The following RB1CC1 variants were observed in gnomAD, a reference collection of about 807,000 sequenced individuals.
RB1CC1 encodes the protein RB1 inducible coiled-coil 1.
RB1CC1 carries 46 observed loss-of-function variants against 177.5 expected under a neutral mutation model. That is an observed-to-expected ratio of 0.26 (90% CI 0.20 to 0.33). RB1CC1 has a LOEUF of 0.33. RB1CC1 is among the 10% of genes least tolerant of loss of function. The pLI is 1.00. For missense variants in RB1CC1, 1,703 were observed against 1,816.3 expected (o/e 0.94, Z 1.13); for synonymous variants, 666 against 613.6 (o/e 1.09, Z -1.26).
At chr8:52,683,317 G>T (rs768516767) in intron 5 of RB1CC1, among the ~76,000 whole-genome samples, 13 of 152,098 alleles carry the variant, frequency 8.5e-5, no homozygotes, top group Non-Finnish European at 1.6e-4. Context: ...GAAAGAAGGT[G>T]ACCAAATCAT....
intron 6 of RB1CC1, 137 bp from the exon 7 acceptor site, chr8:52,674,411 C>G: frequency 2.7e-6 from 2 of 744,454 alleles, no homozygotes; most frequent in South Asian, 1.8e-5. Context: ...ATAAACTAGT[C>G]TATGAGCTAG....
In RB1CC1 at chr8:52,623,562, A is replaced by C; in HGVS notation, c.*220T>G. ...CTAGAGTTGTCTGGGTAAAAAAAAA[A>C]ACCAAAAAACAAAAACCATTTTAAT... On this transcript the variant is annotated 3_prime_UTR_variant, in exon 24 of 24. Coordinates refer to ENST00000025008, the MANE Select transcript of RB1CC1 (RefSeq NM_014781.5). The C allele has an allele frequency of 1.8e-6, 1 of 547,584 alleles. No homozygotes were observed. The highest frequency in any genetic ancestry group is 3.4e-6 in the Non-Finnish European group (1 of 297,428). The allele number at this position is 547,584 out of a possible 1,614,324, so 33.9% of individuals were successfully genotyped here.
rs1280823949 is a variant in RB1CC1, at chr8:52,660,585, T to C, written c.1689+11A>G. 2.9e-5 allele frequency: 46 copies of C among 1,574,874 alleles called. No homozygotes were observed. Among genetic ancestry groups the C allele is most frequent in the Non-Finnish European group, 3.8e-5 (44 of 1,164,428 alleles). On this transcript the variant is annotated intron_variant, in intron 12 of 23. Coordinates refer to ENST00000025008, the MANE Select transcript of RB1CC1 (RefSeq NM_014781.5). ...ATGGAATTTAGTCATGGTTAGAAAA[T>C]AAATACATACACAAAAGGAAGGGGG...
intron 22 of RB1CC1, 75 bp from the exon 23 acceptor site, chr8:52,624,862 TAAAAC>T (rs1848271155): frequency 1.8e-6 from 2 of 1,102,648 alleles, no homozygotes; most frequent in Admixed American, 6.0e-5. Flanking sequence ...CTGCCAGAAT[TAAAAC>T]AGACTAAAAA....
At chr8:52,649,540 T>C (rs140842819) in intron 15 of RB1CC1, among the ~76,000 whole-genome samples, 35 of 152,216 alleles carry the variant, frequency 2.3e-4, no homozygotes, top group African/African-American at 7.9e-4. Flanking sequence ...TTCAAAAAAA[T>C]CTCTTCTATC....
intron 1 of RB1CC1, among the ~76,000 whole-genome samples, chr8:52,695,002 T>G (rs1354243165): frequency 6.6e-6 from 1 of 151,940 alleles, no homozygotes; most frequent in South Asian, 2.1e-4. Flanking sequence ...AATAAGAAAA[T>G]CACAAAGACT....
At chr8:52,630,369 C>T (rs939962282) in intron 21 of RB1CC1, 101 bp downstream of exon 21, 8 of 1,389,550 alleles carry the variant, frequency 5.8e-6, no homozygotes, top group Non-Finnish European at 6.7e-6. Context: ...ACACTCAGCT[C>T]AATGAACCTG....
At chr8:52,684,337 T>A (rs191136740) in intron 3 of RB1CC1, among the ~76,000 whole-genome samples, 2 of 152,106 alleles carry the variant, frequency 1.3e-5, no homozygotes, top group Non-Finnish European at 2.9e-5. Flanking sequence ...TTCCTTCCTA[T>A]CCCTATCTTC....
intron 15 of RB1CC1, among the ~76,000 whole-genome samples, chr8:52,654,583 C>A (rs1850917449): frequency 6.6e-6 from 1 of 152,150 alleles, no homozygotes; most frequent in Non-Finnish European, 1.5e-5. Context: ...GGTGCTTCAG[C>A]CTCTGTTTTC....
At chr8:52,645,586 G>GT in intron 16 of RB1CC1, 116 bp downstream of exon 16, 1 of 1,092,344 alleles carries the variant, frequency 9.2e-7, no homozygotes, top group Non-Finnish European at 1.3e-6. Flanking sequence ...CAGGATCAAT[G>GT]TAAGGAACAT....
At chr8:52,683,330 T>C (rs909243382) in intron 5 of RB1CC1, among the ~76,000 whole-genome samples, 4 of 152,222 alleles carry the variant, frequency 2.6e-5, no homozygotes, top group Non-Finnish European at 2.9e-5. Context: ...CAAATCATGT[T>C]AAGACAGCTT....
chr8:52,663,739 A>G (rs1365538693), intron 8 of RB1CC1, among the ~76,000 whole-genome samples: 1 of 152,166 alleles, frequency 6.6e-6, no homozygotes, highest in African/African-American at 2.4e-5. Flanking sequence ...TGTAAATAAA[A>G]ATTCCAGACC....
chr8:52,686,375 CT>C (rs748031201), intron 2 of RB1CC1, among the ~76,000 whole-genome samples: 4 of 152,190 alleles, frequency 2.6e-5, no homozygotes, highest in Non-Finnish European at 5.9e-5. Flanking sequence ...AACACCCTGT[CT>C]GCACAAAATG....
At position 52,661,718 on chromosome 8, in the gene RB1CC1, CCCTTTG is replaced by C. The variant is rs1331452472; in HGVS notation, c.1174-5_1174del. 6.5e-7 allele frequency: 1 copy of C among 1,541,228 alleles called. No individual in the cohort carries two copies. The highest frequency in any genetic ancestry group is 1.7e-4 in the Middle Eastern group (1 of 5,744). On this transcript the variant is annotated splice_acceptor_variant and splice_polypyrimidine_tract_variant and coding_sequence_variant and intron_variant, in exon 9 of 24. Coordinates refer to ENST00000025008, the MANE Select transcript of RB1CC1 (RefSeq NM_014781.5). LOFTEE classifies it high-confidence loss of function. ...AGCTCTCTTCTGATTAGCTAAAAATCCCTTTGAGAAAAAAAATGTTTCAAAGGACAT... is the reference window on the plus strand; with the variant it reads ...AGCTCTCTTCTGATTAGCTAAAAATCAGAAAAAAAATGTTTCAAAGGACAT...
Position 52,657,089 on chromosome 8 carries a change from CA to C in RB1CC1, c.2739del (p.Phe913LeufsTer11). 6.2e-7 allele frequency: 1 copy of C among 1,610,702 alleles called. No individual in the cohort carries two copies. Among genetic ancestry groups the C allele is most frequent in the Admixed American group, 1.7e-5 (1 of 59,386 alleles). On this transcript the variant is annotated frameshift_variant, in exon 15 of 24. Transcript: ENST00000025008. LOFTEE classifies it high-confidence loss of function. ...GCTTCTTTTTCATGTTTAACCAAAG[CA>C]AATTCATTATCTTTATTTTGTAAAA... ...EEVLQNKDNE[F>X]ALVKHEKEAV...
intron 6 of RB1CC1, among the ~76,000 whole-genome samples, chr8:52,676,163 G>A (rs1422969217): frequency 1.3e-5 from 2 of 152,270 alleles, no homozygotes; most frequent in South Asian, 2.1e-4. Context: ...AGAAAGAAAT[G>A]TGGGAGACTC....
rs1855693493 is a variant in RB1CC1, at chr8:52,698,669, G to GTTTTTTTTTTTTTTTTT, written c.-166-11703_-166-11702insAAAAAAAAAAAAAAAAA. Among the ~76,000 whole-genome samples, 6 of 22,770 alleles carry GTTTTTTTTTTTTTTTTT rather than the reference G, an allele frequency of 2.6e-4. 3 individuals carry two copies. Among genetic ancestry groups the GTTTTTTTTTTTTTTTTT allele is most frequent in the South Asian group, 4.4e-3 (2 of 452 alleles). The allele number at this position is 22,770 out of a possible 152,430, so 14.9% of individuals were successfully genotyped here. On this transcript the variant is annotated intron_variant, in intron 1 of 23. Coordinates refer to ENST00000025008, the MANE Select transcript of RB1CC1 (RefSeq NM_014781.5). ...AACAAAAACTGTATATGTAATGGTT[G>GTTTTTTTTTTTTTTTTT]GTTTTTTTTTTTTTTTTTTTTTTTT...
Position 52,688,036 on chromosome 8 carries a change from C to A in RB1CC1, c.-166-1069G>T, listed in dbSNP as rs564483706. 1.6e-4 allele frequency among the ~76,000 whole-genome samples: 25 copies of A among 152,272 alleles called. 1 individual carries two copies. In the East Asian group the frequency reaches 4.8e-3, roughly 29 times the overall value. On this transcript the variant is annotated intron_variant, in intron 1 of 23. Transcript: ENST00000025008. ...AATAATACTTTTATAATTTCTTATG[C>A]CTGTCTTTAATCTCTTAATCCTGTT...
chr8:52,639,018 C>G (rs13250023), intron 18 of RB1CC1, among the ~76,000 whole-genome samples: 6,279 of 152,166 alleles, frequency 0.041, 193 homozygotes, highest in Non-Finnish European at 0.067. Flanking sequence ...AATCTCTACT[C>G]TCTGATCTTT....
Sources: gnomAD v4.1 joint callset for allele counts (sites outside exome capture counted in the v4.1 genomes callset) on GRCh38, gnomAD v4.1.1 for gene constraint, MANE v1.5 for transcripts, NCBI Gene and HGNC (gene_info 2026-07-23, HGNC 2026-07-21) for gene names.